CHST8: variants seen among roughly 807,000 people sequenced by gnomAD.
CHST8 encodes GALNAC-4-ST1.
CHST8 carries 10 observed loss-of-function variants against 15.0 expected under a neutral mutation model. The observed-to-expected ratio is 0.67, with a 90% CI of 0.41 to 1.13. CHST8 has a LOEUF of 1.13. Ranked by LOEUF, CHST8 falls within the 50% of genes most tolerant of loss-of-function variation. The probability of loss-of-function intolerance (pLI) is 0.00; values close to 1 mark genes in which losing one functional copy is unlikely to be tolerated. For synonymous variants in CHST8, 259 were observed against 256.6 expected, an observed-to-expected ratio of 1.01 and a Z score of -0.09; for missense variants, 634 against 608.2, an observed-to-expected ratio of 1.04 and a Z score of -0.45.
intron 1 of CHST8, among the ~76,000 whole-genome samples, chr19:33,643,067 C>T (rs1972304440): frequency 6.6e-6 from 1 of 152,142 alleles, no homozygotes; most frequent in African/African-American, 2.4e-5. Context: ...AACCTTCTTG[C>T]AGTATACCTT....
At chr19:33,682,511 C>A (rs1003968829) in intron 2 of CHST8, among the ~76,000 whole-genome samples, 1 of 152,306 alleles carries the variant, frequency 6.6e-6, no homozygotes, top group Middle Eastern at 3.4e-3. Context: ...TCTCCAGAAC[C>A]TTTTCATCAT....
chr19:33,643,708 G>A (rs567335105), intron 1 of CHST8, among the ~76,000 whole-genome samples: 18 of 152,186 alleles, frequency 1.2e-4, no homozygotes, highest in African/African-American at 3.1e-4. Context: ...TTTAATTATC[G>A]TAGCTTAGGA....
chr19:33,625,687 C>T (rs1600221874), intron 1 of CHST8, among the ~76,000 whole-genome samples: 1 of 152,078 alleles, frequency 6.6e-6, no homozygotes, highest in East Asian at 2.0e-4. Flanking sequence ...CGTGGTGAAA[C>T]CCAGTCTCTA....
At chr19:33,731,218 T>C (rs1973986993) in intron 3 of CHST8, among the ~76,000 whole-genome samples, 1 of 152,222 alleles carries the variant, frequency 6.6e-6, no homozygotes, top group Non-Finnish European at 1.5e-5. Context: ...GAATGACTAC[T>C]CCATAGGCGG....
At chr19:33,686,976 G>GAGAA (rs1387724848) in intron 2 of CHST8, among the ~76,000 whole-genome samples, 3 of 152,354 alleles carry the variant, frequency 2.0e-5, no homozygotes, top group Non-Finnish European at 4.4e-5. Context: ...GGTTCTTCCT[G>GAGAA]GTCCCCATCT....
chr19:33,751,222 C>T (rs375655902), intron 3 of CHST8, among the ~76,000 whole-genome samples: 3 of 152,288 alleles, frequency 2.0e-5, no homozygotes, highest in South Asian at 2.1e-4. Flanking sequence ...CCAGCTGCCA[C>T]GGCAGGGACC....
At chr19:33,710,016 A>G (rs922208976) in intron 3 of CHST8, among the ~76,000 whole-genome samples, 2 of 152,200 alleles carry the variant, frequency 1.3e-5, no homozygotes, top group Admixed American at 1.3e-4. Context: ...TGTCTTCACC[A>G]TAGTTCTATT....
chr19:33,694,711 C>T (rs1275876347), intron 3 of CHST8, among the ~76,000 whole-genome samples: 1 of 152,112 alleles, frequency 6.6e-6, no homozygotes, highest in Non-Finnish European at 1.5e-5. Flanking sequence ...TCCCAAGTAG[C>T]TGGGATTACA....
intron 3 of CHST8, among the ~76,000 whole-genome samples, chr19:33,768,100 T>C (rs950201152): frequency 1.3e-5 from 2 of 152,164 alleles, no homozygotes; most frequent in African/African-American, 4.8e-5. Context: ...TGCAGACCCC[T>C]GCCCCAGGAT....
chr19:33,773,062 G>A lies in CHST8; in HGVS notation c.1274G>A (p.Ter425=), dbSNP rs1975045567. The A allele has an allele frequency of 6.3e-7, 1 of 1,589,168 alleles. No homozygotes were observed. Among genetic ancestry groups the A allele is most frequent in the East Asian group, 2.2e-5 (1 of 44,558 alleles). ...TCCAAGCCCTTTGCAGATCTGTACT[G>A]AGGGGCGCCGCAGCTGGCCGGGGCC... is the stretch of plus-strand genomic sequence containing the variant. ...NYSKPFADLY[*] Residue 425 remains the stop codon, a stop_retained_variant, in exon 5 of 5, where the codon TGA becomes TAA. Transcript: ENST00000650847.
At chr19:33,644,271 T>C (rs1462847887) in intron 1 of CHST8, among the ~76,000 whole-genome samples, 1 of 152,188 alleles carries the variant, frequency 6.6e-6, no homozygotes, top group Non-Finnish European at 1.5e-5. Flanking sequence ...TCTTCTGAGC[T>C]GATCCATGTA....
chr19:33,746,751 C>A (rs1974320621), intron 3 of CHST8, among the ~76,000 whole-genome samples: 1 of 152,130 alleles, frequency 6.6e-6, no homozygotes, highest in South Asian at 2.1e-4. Context: ...GGCCTGACTT[C>A]ACTCCATTCC....
rs541257120 is a variant in CHST8, at chr19:33,689,027, G to A, written c.-86-149G>A. 1.6e-5 allele frequency: 6 copies of A among 386,400 alleles called. No individual in the cohort carries two copies. In the South Asian group the frequency reaches 6.1e-4, roughly 39 times the overall value. The allele number at this position is 386,400 out of a possible 1,614,324, so 23.9% of individuals were successfully genotyped here. On this transcript the variant is annotated intron_variant, in intron 2 of 4. Transcript: ENST00000650847. ...GGAACAGGCTTCCCTCAGCCTCCTGGGTGTGAAAGGATGGAAAGGGCACCC... is the reference window on the plus strand; with the variant it reads ...GGAACAGGCTTCCCTCAGCCTCCTGAGTGTGAAAGGATGGAAAGGGCACCC...
intron 3 of CHST8, among the ~76,000 whole-genome samples, chr19:33,749,098 T>G (rs1439649244): frequency 6.6e-6 from 1 of 152,034 alleles, no homozygotes; most frequent in Non-Finnish European, 1.5e-5. Flanking sequence ...AGAAGGGGTG[T>G]GCATGCCCCA....
In CHST8 at chr19:33,622,253, C is replaced by G. The variant is rs1039250535; in HGVS notation, c.-207C>G. 1 of 152,130 alleles carries G rather than the reference C, an allele frequency of 6.6e-6. No homozygotes were observed. The highest frequency in any genetic ancestry group is 1.5e-5 in the Non-Finnish European group (1 of 68,072). 9.4% of individuals were successfully genotyped at this position (152,130 alleles called of 1,614,324 possible). On this transcript the variant is annotated 5_prime_UTR_variant, in exon 1 of 5. Transcript: ENST00000650847. ...AGGATCCGCCGCGGAGAACCGCTCC[C>G]GGACTGGAGGCGCCCGCGGCCTCGG...
chr19:33,771,529 C>G (rs1054885751), intron 4 of CHST8, 79 bp downstream of exon 4: 7 of 1,363,488 alleles, frequency 5.1e-6, no homozygotes, highest in Non-Finnish European at 6.3e-6. Context: ...AAATTAGGAG[C>G]TCACATTGGA....
At chr19:33,761,297 G>A (rs945252527) in intron 3 of CHST8, among the ~76,000 whole-genome samples, 2 of 152,078 alleles carry the variant, frequency 1.3e-5, no homozygotes, top group Non-Finnish European at 2.9e-5. Flanking sequence ...GAGGCCAGGA[G>A]TTGCTGGGCA....
chr19:33,633,179 C>CCA (rs1458111033), intron 1 of CHST8, among the ~76,000 whole-genome samples: 1 of 152,128 alleles, frequency 6.6e-6, no homozygotes, highest in Admixed American at 6.5e-5. Context: ...ATGTATGCTC[C>CCA]CATGTCTGGG....
At chr19:33,645,402 C>G (rs1972340096) in intron 1 of CHST8, among the ~76,000 whole-genome samples, 1 of 152,096 alleles carries the variant, frequency 6.6e-6, no homozygotes, top group South Asian at 2.1e-4. Flanking sequence ...TGGTAAGGGG[C>G]AAAGAGGCCT....
Sources: allele counts gnomAD v4.1 joint callset (sites outside exome capture counted in the v4.1 genomes callset), GRCh38; gene constraint gnomAD v4.1.1; transcripts MANE v1.5; gene names NCBI Gene and HGNC (gene_info 2026-07-23, HGNC 2026-07-21).